Variants in CMIP observed in about 807,000 individuals in gnomAD.
CMIP encodes c-Maf inducing protein.
A neutral mutation model predicts 97.3 loss-of-function variants in CMIP; 13 were observed. The ratio of observed to expected loss-of-function variants is 0.13; its 90% CI spans 0.09 to 0.21. The LOEUF (loss-of-function observed/expected upper bound fraction) is 0.21. CMIP is among the 10% of genes least tolerant of loss of function. The pLI, the probability that CMIP is intolerant of heterozygous loss-of-function variation, is 1.00. For synonymous variants in CMIP, 538 were observed against 436.3 expected (o/e 1.23, Z -2.91); for missense variants, 847 against 1,024.9 (o/e 0.83, Z 2.37).
chr16:81,569,476 G>C (rs927449743), intron 1 of CMIP, among the ~76,000 whole-genome samples: 1 of 152,196 alleles, frequency 6.6e-6, no homozygotes, highest in Non-Finnish European at 1.5e-5. Flanking sequence ...CTGGGCCTCA[G>C]GGGATCCTGG....
chr16:81,558,608 G>C (rs2150868546), intron 1 of CMIP, among the ~76,000 whole-genome samples: 1 of 152,322 alleles, frequency 6.6e-6, no homozygotes, highest in East Asian at 1.9e-4. Flanking sequence ...GGCTTGGAGT[G>C]AGCAAGGGGC....
In CMIP at chr16:81,516,320, C is replaced by G. The variant is rs543244426; in HGVS notation, c.300+70779C>G. 9.8e-5 allele frequency among the ~76,000 whole-genome samples: 15 copies of G among 152,354 alleles called. No individual in the cohort carries two copies. The East Asian group carries it at 1.3e-3, about 14-fold the overall frequency. Reference sequence around the variant, plus strand: ...AAAATACACATGGAATCGCGCTTCTCTCCCGTTTTAAACGTTCTTCTAGCT... The same window carrying G: ...AAAATACACATGGAATCGCGCTTCTGTCCCGTTTTAAACGTTCTTCTAGCT... On this transcript the variant is annotated intron_variant, in intron 1 of 20. Coordinates refer to ENST00000537098, the MANE Select transcript of CMIP (RefSeq NM_198390.3).
intron 1 of CMIP, among the ~76,000 whole-genome samples, chr16:81,599,935 T>C (rs4889349): frequency 0.25 from 38,397 of 151,822 alleles, 7,287 homozygotes; most frequent in African/African-American, 0.52. Context: ...ATGGGTGGGG[T>C]GTAGTGAGGC....
rs1906093170 is a variant in CMIP, at chr16:81,691,663, C to T, written c.1389-112C>T. ...GAAGTGGGTGGAGAAGTCAGTGCCACTGACTACCTGCCAGGCTCTCACCCC... is the reference window on the plus strand; with the variant it reads ...GAAGTGGGTGGAGAAGTCAGTGCCATTGACTACCTGCCAGGCTCTCACCCC... On this transcript the variant is annotated intron_variant, in intron 10 of 20. Transcript: ENST00000537098. 3.7e-6 allele frequency: 3 copies of T among 809,088 alleles called. No homozygotes were observed. In the East Asian group the frequency reaches 7.9e-5, roughly 21 times the overall value. 50.1% of individuals were successfully genotyped at this position (809,088 alleles called of 1,614,324 possible).
chr16:81,464,717 TCTCCTCGTCCCAG>T (rs1481655158), intron 1 of CMIP: 3 of 152,218 alleles, frequency 2.0e-5, no homozygotes, highest in African/African-American at 7.2e-5. Context: ...GTACCCATTC[TCTCCTCGTCCCAG>T]CCCCTGGTCA....
rs572202443 is a variant in CMIP, at chr16:81,506,889, A to G, written c.300+61348A>G. Among the ~76,000 whole-genome samples, 519 of 144,322 alleles carry G rather than the reference A, an allele frequency of 3.6e-3. 2 individuals carry two copies. Among genetic ancestry groups the G allele is most frequent in the African/African-American group, 0.012 (467 of 38,664 alleles). 94.7% of individuals were successfully genotyped at this position (144,322 alleles called of 152,430 possible). ...CACTCCACTCCAGCCTGGATGACAG[A>G]GCGAGACTCCGTCTCAAAAAAAAAA... On this transcript the variant is annotated intron_variant, in intron 1 of 20. Coordinates refer to ENST00000537098, the MANE Select transcript of CMIP (RefSeq NM_198390.3).
At chr16:81,533,501 C>T (rs1041448452) in intron 1 of CMIP, among the ~76,000 whole-genome samples, 3 of 152,020 alleles carry the variant, frequency 2.0e-5, no homozygotes, top group Non-Finnish European at 4.4e-5. Context: ...TTTTTTGAGA[C>T]GGAGTCTCTT....
At chr16:81,580,285 G>A (rs1295481761) in intron 1 of CMIP, among the ~76,000 whole-genome samples, 4 of 152,152 alleles carry the variant, frequency 2.6e-5, no homozygotes, top group Non-Finnish European at 4.4e-5. Flanking sequence ...TATGTCTCCC[G>A]GCTCTGGAGC....
At chr16:81,673,620 G>A (rs1161955162) in intron 9 of CMIP, among the ~76,000 whole-genome samples, 3 of 152,234 alleles carry the variant, frequency 2.0e-5, no homozygotes, top group Admixed American at 1.3e-4. Flanking sequence ...GTAACACACT[G>A]AGAGTTGCTC....
chr16:81,525,984 GTGTGTGTGTGTGTGTGTGTGTGTC>G (rs1163327331), intron 1 of CMIP, among the ~76,000 whole-genome samples: 1 of 31,278 alleles, frequency 3.2e-5, no homozygotes, highest in African/African-American at 2.1e-4. Context: ...ATACGTGTGT[GTGTGTGTGTGTGTGTGTGTGTGTC>G]TGTGTGTGTG....
At chr16:81,596,541 A>G (rs2150926234) in intron 1 of CMIP, among the ~76,000 whole-genome samples, 1 of 151,940 alleles carries the variant, frequency 6.6e-6, no homozygotes, top group East Asian at 1.9e-4. Flanking sequence ...CAATTGGAAC[A>G]TTGCATACAC....
At chr16:81,696,800 A>AGGTGGT (rs201681534) in intron 14 of CMIP, 133 bp downstream of exon 14, 4 of 749,214 alleles carry the variant, frequency 5.3e-6, no homozygotes, top group South Asian at 3.7e-5. Flanking sequence ...CTGATCATGA[A>AGGTGGT]GGTGGTGGTG....
intron 4 of CMIP, among the ~76,000 whole-genome samples, chr16:81,653,413 G>A (rs188655464): frequency 3.5e-3 from 532 of 152,382 alleles, no homozygotes; most frequent in African/African-American, 0.012. Context: ...AGGAGGCGAG[G>A]TGGGAGGTAG....
chr16:81,661,737 C>T (rs1013262883), intron 6 of CMIP, among the ~76,000 whole-genome samples: 7 of 152,158 alleles, frequency 4.6e-5, no homozygotes, highest in Non-Finnish European at 1.0e-4. Context: ...TTTCCCTTGC[C>T]GCCCCTTCCC....
At chr16:81,608,142 A>C (rs1048447190) in intron 2 of CMIP, among the ~76,000 whole-genome samples, 1 of 152,222 alleles carries the variant, frequency 6.6e-6, no homozygotes, top group Non-Finnish European at 1.5e-5. Context: ...TAGAAGTATA[A>C]GCTATCTTTT....
chr16:81,610,794 T>C (rs936211875), intron 2 of CMIP, among the ~76,000 whole-genome samples: 2 of 152,186 alleles, frequency 1.3e-5, no homozygotes, highest in Non-Finnish European at 2.9e-5. Flanking sequence ...TCTTCAGTCC[T>C]GGTTGTATTC....
intron 1 of CMIP, among the ~76,000 whole-genome samples, chr16:81,602,628 C>T (rs772763680): frequency 3.3e-5 from 5 of 152,240 alleles, no homozygotes; most frequent in Non-Finnish European, 5.9e-5. Flanking sequence ...ATTTCAGCCC[C>T]TGTAGTTTTG....
intron 1 of CMIP, among the ~76,000 whole-genome samples, chr16:81,507,499 T>G (rs1191688888): frequency 6.6e-6 from 1 of 152,208 alleles, no homozygotes; most frequent in African/African-American, 2.4e-5. Context: ...ATTTAGAACA[T>G]GGCTCATCTT....
intron 1 of CMIP, among the ~76,000 whole-genome samples, chr16:81,513,868 T>C (rs1256524779): frequency 2.0e-5 from 3 of 152,210 alleles, no homozygotes; most frequent in Non-Finnish European, 4.4e-5. Context: ...TGCCCTGTTG[T>C]CTTTGCCCAA....
Sources: allele counts gnomAD v4.1 joint callset (sites outside exome capture counted in the v4.1 genomes callset), GRCh38; gene constraint gnomAD v4.1.1; transcripts MANE v1.5; gene names NCBI Gene and HGNC (gene_info 2026-07-23, HGNC 2026-07-21).